The following MAST4 variants were observed in gnomAD, a reference collection of about 807,000 sequenced individuals.
MAST4 encodes microtubule associated serine/threonine kinase family member 4.
MAST4 carries 89 observed loss-of-function variants against 162.7 expected under a neutral mutation model. That is an observed-to-expected ratio of 0.55 (90% confidence interval 0.46 to 0.65). The LOEUF (loss-of-function observed/expected upper bound fraction) is 0.65, where lower values mean the gene tolerates loss of function less well. MAST4 is among the 30% of genes least tolerant of loss of function. The probability of loss-of-function intolerance (pLI) is 0.00; values close to 1 mark genes in which losing one functional copy is unlikely to be tolerated. For synonymous variants in MAST4, 1,479 were observed against 1,361.1 expected (o/e 1.09, Z -1.91); for missense variants, 3,153 against 3,374.0 (o/e 0.93, Z 1.62).
intron 1 of MAST4, among the ~76,000 whole-genome samples, chr5:66,613,322 CTT>C (rs67203546): frequency 4.9e-5 from 7 of 141,790 alleles, no homozygotes; most frequent in East Asian, 2.0e-4. Flanking sequence ...TCAGATAACC[CTT>C]TTTTTTTTTT....
chr5:67,097,695 G>A (rs758771488), intron 7 of MAST4, among the ~76,000 whole-genome samples: 4 of 151,904 alleles, frequency 2.6e-5, no homozygotes, highest in South Asian at 2.1e-4. Context: ...TATTGAAGAC[G>A]TTAGTATCAT....
At chr5:67,057,942 A>T (rs78410995) in intron 5 of MAST4, among the ~76,000 whole-genome samples, 8 of 78,660 alleles carry the variant, frequency 1.0e-4, no homozygotes, top group East Asian at 4.1e-4. Flanking sequence ...TTGCAATTAT[A>T]AAAAAAAAAA....
At chr5:66,769,575 G>A (rs1361914023) in intron 2 of MAST4, among the ~76,000 whole-genome samples, 1 of 152,164 alleles carries the variant, frequency 6.6e-6, no homozygotes, top group Non-Finnish European at 1.5e-5. Flanking sequence ...CATCTTTACA[G>A]CATGTTACTG....
At chr5:67,101,086 G>T (rs1764975911) in intron 8 of MAST4, among the ~76,000 whole-genome samples, 1 of 152,184 alleles carries the variant, frequency 6.6e-6, no homozygotes, top group South Asian at 2.1e-4. Context: ...GCCAAATGTA[G>T]TCCACCTAAC....
intron 4 of MAST4, among the ~76,000 whole-genome samples, chr5:67,008,504 T>C (rs1405124451): frequency 1.3e-5 from 2 of 152,208 alleles, no homozygotes; most frequent in Non-Finnish European, 2.9e-5. Context: ...GCTGCTAAGT[T>C]TTGAGTTGGG....
intron 3 of MAST4, among the ~76,000 whole-genome samples, chr5:66,839,663 G>A (rs1758280175): frequency 2.0e-5 from 3 of 152,020 alleles, no homozygotes; most frequent in African/African-American, 7.2e-5. Flanking sequence ...TTTTTGAAAG[G>A]CAGAATGAAA....
At chr5:66,803,972 A>G (rs926588080) in intron 3 of MAST4, among the ~76,000 whole-genome samples, 1 of 152,006 alleles carries the variant, frequency 6.6e-6, no homozygotes, top group African/African-American at 2.4e-5. Flanking sequence ...TATCAGGTGA[A>G]GAATACCCCT....
At chr5:67,045,371 A>G (rs1225084804) in intron 4 of MAST4, among the ~76,000 whole-genome samples, 1 of 152,216 alleles carries the variant, frequency 6.6e-6, no homozygotes, top group Non-Finnish European at 1.5e-5. Flanking sequence ...GACACGTGCT[A>G]ATACTATGAC....
At chr5:66,748,418 TTC>T (rs1752905434) in intron 1 of MAST4, among the ~76,000 whole-genome samples, 1 of 145,488 alleles carries the variant, frequency 6.9e-6, no homozygotes, top group Non-Finnish European at 1.5e-5. Flanking sequence ...CCTTCCTCCC[TTC>T]CTTCCTCCCT....
intron 11 of MAST4, 68 bp downstream of exon 11, chr5:67,110,267 T>C: frequency 8.5e-7 from 1 of 1,174,132 alleles, no homozygotes; most frequent in Non-Finnish European, 1.3e-6. Context: ...ATCAGAAAGC[T>C]CCTTCATTTG....
chr5:66,790,784 G>A (rs1464907255), intron 3 of MAST4, among the ~76,000 whole-genome samples: 1 of 152,144 alleles, frequency 6.6e-6, no homozygotes, highest in Admixed American at 6.5e-5. Flanking sequence ...CAAGTCCAAA[G>A]TGACTTTTTC....
At chr5:66,805,538 G>A (rs893057292) in intron 3 of MAST4, among the ~76,000 whole-genome samples, 1 of 152,128 alleles carries the variant, frequency 6.6e-6, no homozygotes, top group African/African-American at 2.4e-5. Flanking sequence ...ATCATCCCTT[G>A]TGAAAATATT....
intron 4 of MAST4, chr5:66,930,884 C>CT (rs1240478627): frequency 4.5e-6 from 2 of 439,778 alleles, no homozygotes; most frequent in Non-Finnish European, 9.3e-6. Flanking sequence ...CAGAACTGAG[C>CT]TTGTATACTT....
intron 1 of MAST4, among the ~76,000 whole-genome samples, chr5:66,628,064 CT>C (rs1310049443): frequency 6.6e-6 from 1 of 152,122 alleles, no homozygotes; most frequent in Non-Finnish European, 1.5e-5. Flanking sequence ...CAGAGTTTTG[CT>C]CTCTCGCCCA....
At chr5:66,925,774 C>G (rs971929862) in intron 4 of MAST4, among the ~76,000 whole-genome samples, 4 of 152,172 alleles carry the variant, frequency 2.6e-5, no homozygotes, top group African/African-American at 9.7e-5. Flanking sequence ...ATTTTTAAAT[C>G]ATGTGTCTCC....
At chr5:66,820,913 A>T (rs79277301) in intron 3 of MAST4, among the ~76,000 whole-genome samples, 1 of 152,248 alleles carries the variant, frequency 6.6e-6, no homozygotes, top group African/African-American at 2.4e-5. Context: ...GCAAACGTCA[A>T]GGCAATATAG....
chr5:67,014,055 G>C (rs554975375), intron 4 of MAST4, among the ~76,000 whole-genome samples: 2 of 151,738 alleles, frequency 1.3e-5, no homozygotes, highest in Admixed American at 1.3e-4. Flanking sequence ...AGATTACCTA[G>C]ATCAGGAACT....
At chr5:66,690,716 T>C (rs142965227) in intron 1 of MAST4, among the ~76,000 whole-genome samples, 1 of 152,264 alleles carries the variant, frequency 6.6e-6, no homozygotes, top group Non-Finnish European at 1.5e-5. Flanking sequence ...AGGAGGTGAT[T>C]GGAAAAATTG....
At chr5:66,801,253 A>G (rs1271275817) in intron 3 of MAST4, among the ~76,000 whole-genome samples, 1 of 152,210 alleles carries the variant, frequency 6.6e-6, no homozygotes, top group Non-Finnish European at 1.5e-5. Context: ...GTAGAATTTC[A>G]GAAGGGACCT....
Sources: gnomAD v4.1 joint callset for allele counts (sites outside exome capture counted in the v4.1 genomes callset) on GRCh38, gnomAD v4.1.1 for gene constraint, MANE v1.5 for transcripts, NCBI Gene and HGNC (gene_info 2026-07-23, HGNC 2026-07-21) for gene names.